The following TENM3 variants were observed in gnomAD, a reference collection of about 807,000 sequenced individuals.
TENM3 encodes the protein teneurin-3.
A neutral mutation model predicts 255.1 loss-of-function variants in TENM3; 63 were observed. The ratio of observed to expected loss-of-function variants is 0.25; its 90% CI spans 0.20 to 0.30. The LOEUF is 0.30. Among genes scored for constraint, TENM3 ranks in the 10% least tolerant of loss-of-function variants. The probability of loss-of-function intolerance (pLI) is 1.00; values close to 1 mark genes in which losing one functional copy is unlikely to be tolerated. For synonymous variants in TENM3, 1,306 were observed against 1,322.3 expected (o/e 0.99, Z 0.27); for missense variants, 2,929 against 3,461.1 (o/e 0.85, Z 3.86).
the TENM3 span, among the ~76,000 whole-genome samples, chr4:181,619,828 C>T: frequency 6.6e-6 from 1 of 152,122 alleles, no homozygotes; most frequent in Non-Finnish European, 1.5e-5. Context: ...GTGAGAGGAG[C>T]CCCAGGCTCC....
chr4:182,604,393 T>C (rs1338709912), intron 4 of TENM3, among the ~76,000 whole-genome samples: 3 of 152,220 alleles, frequency 2.0e-5, no homozygotes, highest in African/African-American at 7.2e-5. Flanking sequence ...TCCTGAAAAT[T>C]CCTTTTCTTT....
At chr4:181,823,926 T>C in the TENM3 span, among the ~76,000 whole-genome samples, 1 of 152,050 alleles carries the variant, frequency 6.6e-6, no homozygotes, top group African/African-American at 2.4e-5. Flanking sequence ...GTGCACAAAT[T>C]AATCAAAGGC....
chr4:181,467,120 TATATA>T, the TENM3 span, among the ~76,000 whole-genome samples: 1 of 57,050 alleles, frequency 1.8e-5, no homozygotes, highest in East Asian at 4.7e-4. Flanking sequence ...TATATATATA[TATATA>T]TTTTTTTTTT....
At chr4:182,210,460 TTTGA>T (rs975108385) in intron 1 of TENM3, among the ~76,000 whole-genome samples, 1 of 152,142 alleles carries the variant, frequency 6.6e-6, no homozygotes, top group African/African-American at 2.4e-5. Flanking sequence ...AAATATTTTG[TTTGA>T]TTATTTTAAT....
chr4:181,514,172 A>G, the TENM3 span, among the ~76,000 whole-genome samples: 6 of 152,214 alleles, frequency 3.9e-5, no homozygotes, highest in Admixed American at 3.9e-4. Context: ...ATTTTTGAAG[A>G]TTTTGACTCT....
chr4:182,639,440 T>A (rs1483986972), intron 5 of TENM3, among the ~76,000 whole-genome samples: 6 of 152,216 alleles, frequency 3.9e-5, no homozygotes, highest in Non-Finnish European at 4.4e-5. Context: ...TTCTTCTTCT[T>A]CTTTGTAACA....
chr4:182,601,858 C>G (rs1277913510), intron 4 of TENM3, among the ~76,000 whole-genome samples: 1 of 152,140 alleles, frequency 6.6e-6, no homozygotes, highest in Non-Finnish European at 1.5e-5. Flanking sequence ...ACAATTTTGC[C>G]CTGATTCATA....
chr4:182,391,254 G>A (rs1415015203), intron 3 of TENM3, among the ~76,000 whole-genome samples: 1 of 152,170 alleles, frequency 6.6e-6, no homozygotes, highest in Non-Finnish European at 1.5e-5. Context: ...AAGAGGGCAA[G>A]AGTCTCCCTT....
At chr4:181,603,484 G>A in the TENM3 span, among the ~76,000 whole-genome samples, 1 of 152,050 alleles carries the variant, frequency 6.6e-6, no homozygotes, top group Non-Finnish European at 1.5e-5. Context: ...CAATACCATC[G>A]GCACTTTCCA....
chr4:181,625,680 G>A, the TENM3 span, among the ~76,000 whole-genome samples: 1,028 of 152,044 alleles, frequency 6.8e-3, 6 homozygotes, highest in Middle Eastern at 0.021. Flanking sequence ...CGGGTGTGGC[G>A]GCAGGCGCCT....
intron 5 of TENM3, among the ~76,000 whole-genome samples, chr4:182,636,198 A>G (rs1751825924): frequency 6.6e-6 from 1 of 152,226 alleles, no homozygotes; most frequent in Non-Finnish European, 1.5e-5. Flanking sequence ...CATTGTAGGA[A>G]AAAATGTGTT....
chr4:181,675,593 G>A, the TENM3 span, among the ~76,000 whole-genome samples: 22,619 of 152,038 alleles, frequency 0.15, 2,326 homozygotes, highest in Non-Finnish European at 0.22. Context: ...GTACTATGAT[G>A]GGCACTGCAG....
intron 13 of TENM3, among the ~76,000 whole-genome samples, chr4:182,719,347 C>T (rs1436347173): frequency 3.4e-5 from 5 of 147,762 alleles, no homozygotes; most frequent in African/African-American, 7.5e-5. Context: ...CTGCAACCTC[C>T]GCCTGCCGGG....
At chr4:181,841,200 C>A in the TENM3 span, among the ~76,000 whole-genome samples, 2 of 151,844 alleles carry the variant, frequency 1.3e-5, no homozygotes, top group African/African-American at 4.8e-5. Flanking sequence ...ATGATTTGAT[C>A]CTTTGTGTCA....
chr4:181,917,123 G>A, the TENM3 span, among the ~76,000 whole-genome samples: 11 of 152,060 alleles, frequency 7.2e-5, no homozygotes, highest in Admixed American at 2.6e-4. Context: ...TGTGCCTGGC[G>A]CTCTTATGGG....
the TENM3 span, among the ~76,000 whole-genome samples, chr4:181,747,688 T>G: frequency 6.6e-6 from 1 of 152,066 alleles, no homozygotes; most frequent in African/African-American, 2.4e-5. Flanking sequence ...TGCTTAATTT[T>G]GTCAGTCTTT....
chr4:182,273,563 A>G (rs1366012437), intron 1 of TENM3, among the ~76,000 whole-genome samples: 7 of 152,326 alleles, frequency 4.6e-5, no homozygotes, highest in South Asian at 2.1e-4. Flanking sequence ...TCTCTCAAAC[A>G]TCTTCCAGGA....
At chr4:182,115,688 C>T in the TENM3 span, among the ~76,000 whole-genome samples, 1 of 152,120 alleles carries the variant, frequency 6.6e-6, no homozygotes, top group African/African-American at 2.4e-5. Flanking sequence ...CTCATTCACC[C>T]TTTCCCCCAG....
chr4:182,412,082 T>G (rs1770027104), intron 3 of TENM3, among the ~76,000 whole-genome samples: 1 of 152,196 alleles, frequency 6.6e-6, no homozygotes, highest in East Asian at 1.9e-4. Flanking sequence ...AATCAGCAGC[T>G]GGGTCGTGAC....
Sources: gnomAD v4.1 joint callset for allele counts (sites outside exome capture counted in the v4.1 genomes callset) on GRCh38, gnomAD v4.1.1 for gene constraint, MANE v1.5 for transcripts, NCBI Gene and HGNC (gene_info 2026-07-23, HGNC 2026-07-21) for gene names.